The following C20orf202 variants were observed in gnomAD, a reference collection of about 807,000 sequenced individuals.
C20orf202 encodes chromosome 20 open reading frame 202.
A neutral mutation model predicts 5.3 loss-of-function variants in C20orf202; 5 were observed. The observed-to-expected ratio is 0.94, with a 90% CI of 0.49 to 1.98. C20orf202 has a LOEUF of 1.98. C20orf202 is among the 30% of genes most tolerant of loss of function. C20orf202 has a pLI of 0.01. For synonymous variants in C20orf202, 48 were observed against 50.0 expected (o/e 0.96, Z 0.16); for missense variants, 135 against 123.5 (o/e 1.09, Z -0.44).
In C20orf202 at chr20:1,208,159, T is replaced by C. The variant is rs2087140799; in HGVS notation, c.*1057T>C. ...CCGTAACAGCAGGCAACCAGGCTTGTGATACAGCAGAGACACTCAGTTGTG... is the reference window on the plus strand; with the variant it reads ...CCGTAACAGCAGGCAACCAGGCTTGCGATACAGCAGAGACACTCAGTTGTG... On this transcript the variant is annotated 3_prime_UTR_variant, in exon 2 of 2. Transcript: ENST00000400633. 1 of 152,182 alleles carries C rather than the reference T, an allele frequency of 6.6e-6. No homozygotes were observed. The highest frequency in any genetic ancestry group is 1.5e-5 in the Non-Finnish European group (1 of 68,022). 9.4% of individuals were successfully genotyped at this position (152,182 alleles called of 1,614,324 possible).
rs1200588697 is a variant in C20orf202 at position 1,208,444 on chromosome 20, T to A, written c.*1342T>A. 6.6e-6 allele frequency among the ~76,000 whole-genome samples: 1 copy of A among 152,176 alleles called. No individual in the cohort carries two copies. The highest frequency in any genetic ancestry group is 1.5e-5 in the Non-Finnish European group (1 of 68,028). On this transcript the variant is annotated 3_prime_UTR_variant, in exon 2 of 2. Transcript: ENST00000400633. ...GTCAGATCAACCTGTGATTTTTGTATTTGGTAATATAAATGATACCTGCTC... is the reference window on the plus strand; with the variant it reads ...GTCAGATCAACCTGTGATTTTTGTAATTGGTAATATAAATGATACCTGCTC...
intron 1 of C20orf202, among the ~76,000 whole-genome samples, chr20:1,206,139 T>C (rs1031649164): frequency 6.6e-6 from 1 of 151,748 alleles, no homozygotes; most frequent in African/African-American, 2.4e-5. Flanking sequence ...GGAGAAAGAA[T>C]GGAGATGGCT....
At chr20:1,206,218 A>C (rs190135952) in intron 1 of C20orf202, among the ~76,000 whole-genome samples, 1,980 of 152,280 alleles carry the variant, frequency 0.013, 18 homozygotes, top group Non-Finnish European at 0.019. Flanking sequence ...TTTATGCCCC[A>C]AAAAATTATT....
intron 1 of C20orf202, among the ~76,000 whole-genome samples, chr20:1,205,868 C>A (rs929252797): frequency 1.3e-5 from 2 of 152,084 alleles, no homozygotes; most frequent in Admixed American, 1.3e-4. Context: ...CTGAGACCAG[C>A]CTGGGCAACA....
chr20:1,208,821 T>C lies in C20orf202; in HGVS notation c.*1719T>C, dbSNP rs1003106708. ...TCCCTGCCTTACCTACCTGGCCCTT[T>C]CCTGAGCTCAGAGACACCAGCCCCA... On this transcript the variant is annotated 3_prime_UTR_variant, in exon 2 of 2. Coordinates refer to ENST00000400633, the MANE Select transcript of C20orf202 (RefSeq NM_001394958.1). 1.3e-5 allele frequency among the ~76,000 whole-genome samples: 2 copies of C among 152,108 alleles called. No homozygotes were observed. The highest frequency in any genetic ancestry group is 2.9e-5 in the Non-Finnish European group (2 of 68,020).
chr20:1,204,507 C>T (rs372714338), intron 1 of C20orf202, among the ~76,000 whole-genome samples: 6 of 152,354 alleles, frequency 3.9e-5, no homozygotes, highest in African/African-American at 1.4e-4. Context: ...GTGGTTGCTG[C>T]TCAGGAAGCC....
At position 1,208,269 on chromosome 20, in the gene C20orf202, T is replaced by C. The variant is rs2087141264; in HGVS notation, c.*1167T>C. On this transcript the variant is annotated 3_prime_UTR_variant, in exon 2 of 2. Transcript: ENST00000400633. ...AAAGGTGAAAATAAAAAAGTCATGG[T>C]GTTAAGATGGTCTGATGATCGGTAG... The C allele has an allele frequency of 6.6e-6, 1 of 152,144 alleles. No individual in the cohort carries two copies. The highest frequency in any genetic ancestry group is 1.5e-5 in the Non-Finnish European group (1 of 68,022). 9.4% of individuals were successfully genotyped at this position (152,144 alleles called of 1,614,324 possible). A position where few individuals can be genotyped will look rare whatever the true frequency, so the allele number is the denominator to read the frequency against.
intron 1 of C20orf202, among the ~76,000 whole-genome samples, chr20:1,205,165 G>A (rs1332818936): frequency 1.3e-5 from 2 of 150,898 alleles, no homozygotes; most frequent in Non-Finnish European, 2.9e-5. Context: ...GAGTGTAGTG[G>A]CACGATCTCG....
chr20:1,203,785 C>T (rs2087120621), intron 1 of C20orf202, 134 bp downstream of exon 1: 2 of 989,792 alleles, frequency 2.0e-6, no homozygotes, highest in Non-Finnish European at 1.4e-6. Flanking sequence ...CCCTCTGGGA[C>T]CTACCACACA....
intron 1 of C20orf202, among the ~76,000 whole-genome samples, chr20:1,205,771 A>C (rs1197497099): frequency 6.6e-6 from 1 of 152,188 alleles, no homozygotes; most frequent in Non-Finnish European, 1.5e-5. Flanking sequence ...GTTAAGAATT[A>C]CTTAGTCAAA....
intron 1 of C20orf202, among the ~76,000 whole-genome samples, chr20:1,205,098 C>A (rs899754131): frequency 6.8e-6 from 1 of 147,836 alleles, no homozygotes; most frequent in African/African-American, 2.5e-5. Context: ...CTTTGCTTCA[C>A]GTCTTTCCTT....
intron 1 of C20orf202, 107 bp downstream of exon 1, chr20:1,203,758 A>G (rs2087120486): frequency 1.6e-6 from 2 of 1,258,604 alleles, no homozygotes; most frequent in Non-Finnish European, 2.2e-6. Context: ...AGGCTACGGT[A>G]TGGACCCTGC....
At chr20:1,203,735 G>C in intron 1 of C20orf202, 84 bp downstream of exon 1, 1 of 1,448,142 alleles carries the variant, frequency 6.9e-7, no homozygotes, top group Non-Finnish European at 9.2e-7. Flanking sequence ...GTCCCCCCTG[G>C]GGCAGAGGCT....
At chr20:1,205,085 C>A (rs956685694) in intron 1 of C20orf202, among the ~76,000 whole-genome samples, 1 of 151,372 alleles carries the variant, frequency 6.6e-6, no homozygotes, top group Non-Finnish European at 1.5e-5. Flanking sequence ...AGGCCGACTA[C>A]ACCTTTGCTT....
At chr20:1,206,388 T>A (rs2087131707) in intron 1 of C20orf202, among the ~76,000 whole-genome samples, 1 of 152,254 alleles carries the variant, frequency 6.6e-6, no homozygotes, top group African/African-American at 2.4e-5. Flanking sequence ...AAAATAACTA[T>A]ATTTTTCAAA....
At chr20:1,205,191 C>CGCCTCCTG (rs2087126617) in intron 1 of C20orf202, among the ~76,000 whole-genome samples, 1 of 151,740 alleles carries the variant, frequency 6.6e-6, no homozygotes, top group Admixed American at 6.6e-5. Flanking sequence ...CTACAACCTC[C>CGCCTCCTG]GCCTCCTGGG....
Position 1,207,017 on chromosome 20 carries a change from A to G in C20orf202, c.215A>G (p.Glu72Gly). 1 of 1,550,526 alleles carries G rather than the reference A, an allele frequency of 6.4e-7. No individual in the cohort carries two copies. Among genetic ancestry groups the G allele is most frequent in the African/African-American group, 1.4e-5 (1 of 73,186 alleles). The change falls in exon 2 of 2, where the codon GAA (glutamate) becomes GGA (glycine). Residue 72 changes from glutamate (E) to glycine (G), a missense_variant. Physicochemically the swap from Glu to Gly is moderately conservative, Grantham distance 98. Transcript: ENST00000400633. ...TSPIRARAGS[E>G]GRGCQPVCSR... is the part of the protein sequence containing the mutation. ...CCCATCAGAGCTCGAGCGGGCTCCG[A>G]AGGCAGGGGCTGCCAGCCGGTTTGC...
intron 1 of C20orf202, 23 bp from the exon 2 acceptor site, chr20:1,206,846 C>T (rs1186744878): frequency 6.8e-7 from 1 of 1,467,656 alleles, no homozygotes; most frequent in Non-Finnish European, 9.2e-7. Context: ...CGCATCCCCT[C>T]ACAGGCTCCT....
chr20:1,207,053 T>C lies in C20orf202; in HGVS notation c.251T>C (p.Leu84Pro). Reference protein sequence around the residue: ...RGCQPVCSRGLAQLLRGEDSR... With the variant: ...RGCQPVCSRGPAQLLRGEDSR... ...TGCCAGCCGGTTTGCTCAAGGGGTC[T>C]GGCCCAGCTCCTCCGAGGGGAAGAC... The change falls in exon 2 of 2, where the codon CTG (leucine) becomes CCG (proline). Residue 84 changes from leucine (L) to proline (P), a missense_variant. Physicochemically the swap from Leu to Pro is moderately conservative, Grantham distance 98. Coordinates refer to ENST00000400633, the MANE Select transcript of C20orf202 (RefSeq NM_001394958.1). The C allele has an allele frequency of 2.6e-6, 4 of 1,542,206 alleles. No homozygotes were observed. In the South Asian group the frequency reaches 4.8e-5, roughly 19 times the overall value.
Sources: gnomAD v4.1 joint callset for allele counts (sites outside exome capture counted in the v4.1 genomes callset) on GRCh38, gnomAD v4.1.1 for gene constraint, MANE v1.5 for transcripts, NCBI Gene and HGNC (gene_info 2026-07-23, HGNC 2026-07-21) for gene names.